FBXL7: variants seen among roughly 807,000 people sequenced by gnomAD.
The protein encoded by FBXL7 is F-box and leucine rich repeat protein 7, also known as F-box/LRR-repeat protein 7.
A neutral mutation model predicts 38.3 loss-of-function variants in FBXL7; 12 were observed. The ratio of observed to expected loss-of-function variants is 0.31; its 90% confidence interval spans 0.20 to 0.51. The LOEUF is 0.51. Among genes scored for constraint, FBXL7 ranks in the 20% least tolerant of loss-of-function variants. The pLI, the probability that FBXL7 is intolerant of heterozygous loss-of-function variation, is 0.98. For missense variants in FBXL7, 567 were observed against 676.4 expected, an observed-to-expected ratio of 0.84 and a Z score of 1.79; for synonymous variants, 297 against 300.9, an observed-to-expected ratio of 0.99 and a Z score of 0.13.
At chr5:15,707,174 G>GTTTTTTT (rs71603796) in intron 2 of FBXL7, among the ~76,000 whole-genome samples, 38 of 70,398 alleles carry the variant, frequency 5.4e-4, no homozygotes, top group East Asian at 9.7e-4. Flanking sequence ...TTTTCTTTTC[G>GTTTTTTT]TTTTTTTTTT....
intron 1 of FBXL7, among the ~76,000 whole-genome samples, chr5:15,554,567 T>G (rs74867343): frequency 6.6e-6 from 1 of 152,192 alleles, no homozygotes; most frequent in East Asian, 1.9e-4. Context: ...CTGAAAAAAT[T>G]TGGCTAACTC....
chr5:15,593,840 A>G (rs764278991), intron 1 of FBXL7, among the ~76,000 whole-genome samples: 1 of 152,184 alleles, frequency 6.6e-6, no homozygotes, highest in Non-Finnish European at 1.5e-5. Context: ...AATTCAGTGT[A>G]TGTAACTACG....
intron 2 of FBXL7, among the ~76,000 whole-genome samples, chr5:15,687,599 G>A (rs1021164187): frequency 1.3e-5 from 2 of 152,218 alleles, no homozygotes; most frequent in African/African-American, 4.8e-5. Flanking sequence ...CTCAACTGGT[G>A]TAGCACTGCC....
rs79314557 is a variant in FBXL7, at chr5:15,671,763, T to C, written c.127+55691T>C. Among the ~76,000 whole-genome samples the C allele has an allele frequency of 8.4e-3, 1,273 of 152,316 alleles. 13 individuals are homozygous for C. The highest frequency in any genetic ancestry group is 0.029 in the African/African-American group (1,205 of 41,554). Reference sequence around the variant, plus strand: ...TATAATTTAGAGGCTCAGTGTTGCATTGAAACCAAACAATTAGATGATTTC... The same window carrying C: ...TATAATTTAGAGGCTCAGTGTTGCACTGAAACCAAACAATTAGATGATTTC... On this transcript the variant is annotated intron_variant, in intron 2 of 3. Coordinates refer to ENST00000504595, the MANE Select transcript of FBXL7 (RefSeq NM_012304.5).
intron 2 of FBXL7, among the ~76,000 whole-genome samples, chr5:15,799,871 A>C (rs1269864216): frequency 6.6e-6 from 1 of 152,140 alleles, no homozygotes; most frequent in African/African-American, 2.4e-5. Flanking sequence ...ACCAGGTCAC[A>C]GTGTTTCTTC....
chr5:15,751,890 CAGAT>C (rs1213335273), intron 2 of FBXL7, among the ~76,000 whole-genome samples: 1 of 152,074 alleles, frequency 6.6e-6, no homozygotes, highest in Non-Finnish European at 1.5e-5. Flanking sequence ...AATCTGGTAA[CAGAT>C]TAAGAATGGA....
chr5:15,615,965 C>T lies in FBXL7; in HGVS notation c.38-18C>T, dbSNP rs778355490. 6 of 1,589,406 alleles carry T rather than the reference C, an allele frequency of 3.8e-6. No homozygotes were observed. The highest frequency in any genetic ancestry group is 3.4e-4 in the Middle Eastern group (2 of 5,890). ...GAAATTACAAATCTCAAAAGCTGCTCATTCCTGTTTCTTCCAGGCAAAGGC... is the reference window on the plus strand; with the variant it reads ...GAAATTACAAATCTCAAAAGCTGCTTATTCCTGTTTCTTCCAGGCAAAGGC... On this transcript the variant is annotated intron_variant, in intron 1 of 3. Coordinates refer to ENST00000504595, the MANE Select transcript of FBXL7 (RefSeq NM_012304.5).
At position 15,551,702 on chromosome 5, in the gene FBXL7, TTTATGC is replaced by T. The variant is rs1187313533; in HGVS notation, c.37+50990_37+50995del. Among the ~76,000 whole-genome samples the T allele has an allele frequency of 3.9e-5, 6 of 152,216 alleles. No homozygotes were observed. In the South Asian group the frequency reaches 6.2e-4, roughly 16 times the overall value. On this transcript the variant is annotated intron_variant, in intron 1 of 3. Transcript: ENST00000504595. ...AAGGAATTTTTTCCAAAAAATCCAT[TTTATGC>T]CTCTTCATTTTTTCTGTATCTGGAA...
chr5:15,640,903 CG>C (rs1741346386), intron 2 of FBXL7, among the ~76,000 whole-genome samples: 1 of 152,154 alleles, frequency 6.6e-6, no homozygotes. Context: ...CTGCTTTCTT[CG>C]CATCCTTTGC....
intron 2 of FBXL7, among the ~76,000 whole-genome samples, chr5:15,893,073 G>A (rs1017386532): frequency 3.3e-5 from 5 of 149,826 alleles, no homozygotes; most frequent in African/African-American, 5.0e-5. Context: ...CGGAGATCAC[G>A]CCACTGCACT....
chr5:15,521,684 AGTGTTTAGATCCAAGAC>A (rs1403651487), intron 1 of FBXL7, among the ~76,000 whole-genome samples: 2 of 152,160 alleles, frequency 1.3e-5, no homozygotes, highest in South Asian at 4.1e-4. Context: ...GAGACACTGA[AGTGTTTAGATCCAAGAC>A]GTGAAGATGA....
intron 1 of FBXL7, among the ~76,000 whole-genome samples, chr5:15,511,188 G>C (rs922108981): frequency 6.6e-6 from 1 of 152,188 alleles, no homozygotes; most frequent in Non-Finnish European, 1.5e-5. Context: ...AACTCATTTT[G>C]TTCCCTTTCC....
rs1742186612 is a variant in FBXL7, at chr5:15,936,403, C to T, written c.740-47C>T. ...CCCAGGGCATCCCCAGGCGTGGCTC[C>T]CCTGCTGGCAGGTTGCTCTGAGCCT... On this transcript the variant is annotated intron_variant, in intron 3 of 3. Transcript: ENST00000504595. This position sits in a 1 kb window ranked among gnomAD's most constrained non-coding sequence, Gnocchi z 6.0. The T allele has an allele frequency of 6.3e-7, 1 of 1,579,286 alleles. No individual in the cohort carries two copies. Among genetic ancestry groups the T allele is most frequent in the Non-Finnish European group, 8.6e-7 (1 of 1,162,614 alleles).
chr5:15,783,133 G>A (rs997388096), intron 2 of FBXL7, among the ~76,000 whole-genome samples: 6 of 152,274 alleles, frequency 3.9e-5, no homozygotes, highest in Admixed American at 1.3e-4. Context: ...GCATGAGAAC[G>A]ACTGTGATGG....
At chr5:15,781,434 T>A (rs566374693) in intron 2 of FBXL7, among the ~76,000 whole-genome samples, 252 of 149,378 alleles carry the variant, frequency 1.7e-3, no homozygotes, top group African/African-American at 5.6e-3. Context: ...ATTGTGTGAG[T>A]GTGTGTGTGT....
chr5:15,597,745 G>T (rs980836695), intron 1 of FBXL7, among the ~76,000 whole-genome samples: 11 of 152,180 alleles, frequency 7.2e-5, no homozygotes, highest in African/African-American at 2.7e-4. Flanking sequence ...CTTCATGCTA[G>T]AAGAGTTTGG....
At chr5:15,538,657 C>T (rs377622227) in intron 1 of FBXL7, among the ~76,000 whole-genome samples, 1 of 152,212 alleles carries the variant, frequency 6.6e-6, no homozygotes, top group East Asian at 1.9e-4. Flanking sequence ...GAACCTGATA[C>T]TCTGTCTTCC....
chr5:15,520,926 A>G (rs1737080384), intron 1 of FBXL7, among the ~76,000 whole-genome samples: 1 of 152,244 alleles, frequency 6.6e-6, no homozygotes, highest in Non-Finnish European at 1.5e-5. Flanking sequence ...CAGGACAGAC[A>G]TCTGTAAATG....
intron 2 of FBXL7, among the ~76,000 whole-genome samples, chr5:15,797,408 G>A (rs1737445663): frequency 6.6e-6 from 1 of 152,218 alleles, no homozygotes; most frequent in South Asian, 2.1e-4. Context: ...TCAGAACTGG[G>A]CTAGAACATA....
Sources: gnomAD v4.1 joint callset for allele counts (sites outside exome capture counted in the v4.1 genomes callset) on GRCh38, gnomAD v4.1.1 for gene constraint, Gnocchi (gnomAD v3.1) non-coding constraint, MANE v1.5 for transcripts, NCBI Gene and HGNC (gene_info 2026-07-23, HGNC 2026-07-21) for gene names.